Variants in DNAH5 observed in about 807,000 individuals in gnomAD.
The protein encoded by DNAH5 is dynein axonemal heavy chain 5.
DNAH5 carries 372 observed loss-of-function variants against 518.2 expected under a neutral mutation model. The ratio of observed to expected loss-of-function variants is 0.72; its 90% CI spans 0.66 to 0.78. The LOEUF (loss-of-function observed/expected upper bound fraction) is 0.78. Ranked by LOEUF, DNAH5 falls within the 30% of genes least tolerant of loss-of-function variation. DNAH5 has a pLI of 0.00. For synonymous variants in DNAH5, 2,039 were observed against 2,025.9 expected, an observed-to-expected ratio of 1.01 and a Z score of -0.17; for missense variants, 5,523 against 5,687.0, an observed-to-expected ratio of 0.97 and a Z score of 0.93.
At chr5:13,806,424 G>C (rs1335595025) in intron 47 of DNAH5, among the ~76,000 whole-genome samples, 1 of 152,138 alleles carries the variant, frequency 6.6e-6, no homozygotes, top group African/African-American at 2.4e-5. Flanking sequence ...AATGATCTTA[G>C]TGTATTGGCA....
At chr5:13,838,596 C>T (rs750697517) in intron 35 of DNAH5, among the ~76,000 whole-genome samples, 18 of 152,110 alleles carry the variant, frequency 1.2e-4, no homozygotes, top group Non-Finnish European at 2.2e-4. Flanking sequence ...ATGGGACTGT[C>T]TAGTTGCAGA....
chr5:13,924,511 A>G (rs1777647532), intron 3 of DNAH5, among the ~76,000 whole-genome samples: 1 of 152,030 alleles, frequency 6.6e-6, no homozygotes, highest in South Asian at 2.1e-4. Flanking sequence ...CCCCGTCTCT[A>G]CCAAAAATAC....
At chr5:13,700,603 C>T in intron 78 of DNAH5, 37 bp downstream of exon 78, 2 of 1,565,382 alleles carry the variant, frequency 1.3e-6, no homozygotes, top group Non-Finnish European at 1.8e-6. Flanking sequence ...TCCAAACGAA[C>T]AATGCGAGCC....
intron 1 of DNAH5, among the ~76,000 whole-genome samples, chr5:13,981,887 A>G (rs1369156568): frequency 6.6e-6 from 1 of 152,160 alleles, no homozygotes; most frequent in Non-Finnish European, 1.5e-5. Context: ...AGTCATCCTG[A>G]TTTCCTTGAG....
chr5:13,911,888 A>C (rs1351542339), intron 11 of DNAH5, among the ~76,000 whole-genome samples: 2 of 152,178 alleles, frequency 1.3e-5, no homozygotes, highest in Non-Finnish European at 2.9e-5. Context: ...AAAATAAATA[A>C]GGCTTTCACA....
Position 13,754,314 on chromosome 5 carries a change from A to C in DNAH5, c.10444T>G (p.Cys3482Gly), listed in dbSNP as rs1311188158. Residue 3482 changes from cysteine to glycine, a missense_variant, in exon 62 of 79, where the codon TGC becomes GGC. Physicochemically the swap from Cys to Gly is radical, Grantham distance 159. Transcript: ENST00000265104. ...KQTLLEDAER[C>G]RHKMQTASTL... Reference sequence around the variant, plus strand: ...GAAGCTGTCTGCATCTTGTGTCTGCATCGCTCTGCATCTTCAAGCAAGGTC... The same window carrying C: ...GAAGCTGTCTGCATCTTGTGTCTGCCTCGCTCTGCATCTTCAAGCAAGGTC... The C allele has an allele frequency of 6.2e-7, 1 of 1,614,002 alleles. No individual in the cohort carries two copies. Among genetic ancestry groups the C allele is most frequent in the African/African-American group, 1.3e-5 (1 of 74,928 alleles).
At chr5:13,922,003 A>C (rs997958148) in intron 5 of DNAH5, 104 bp downstream of exon 5, 2 of 1,267,040 alleles carry the variant, frequency 1.6e-6, no homozygotes, top group Non-Finnish European at 2.3e-6. Context: ...TGAAGAACTG[A>C]AACATAGAGG....
At chr5:13,948,339 A>C (rs544304654), upstream of DNAH5, among the ~76,000 whole-genome samples, 47 of 152,302 alleles carry the variant, frequency 3.1e-4, no homozygotes, top group African/African-American at 8.9e-4. Context: ...AATTAAAATA[A>C]AATTGAAATT....
In DNAH5 at chr5:13,900,364, G is replaced by A. The variant is rs768863581; in HGVS notation, c.2101C>T (p.Pro701Ser). The A allele has an allele frequency of 2.5e-6, 4 of 1,613,966 alleles. No individual in the cohort carries two copies. Among genetic ancestry groups the A allele is most frequent in the African/African-American group, 2.7e-5 (2 of 74,896 alleles). Reference protein sequence around the residue: ...GLEASLLVKAPGTGELFVNFD... With the variant: ...GLEASLLVKASGTGELFVNFD... ...TTTACAAACAATTCCCCTGTGCCTGGAGCCTTCACCAATAATGAAGCCTCA... is the reference window on the plus strand; with the variant it reads ...TTTACAAACAATTCCCCTGTGCCTGAAGCCTTCACCAATAATGAAGCCTCA... Residue 701 changes from proline (P) to serine (S), a missense_variant, in exon 15 of 79, where the codon CCA becomes TCA. Transcript: ENST00000265104.
chr5:13,913,734 G>A lies in DNAH5; in HGVS notation c.1536+9C>T, dbSNP rs766017243. 37 of 1,612,886 alleles carry A rather than the reference G, an allele frequency of 2.3e-5. No homozygotes were observed. In the African/African-American group the frequency reaches 4.7e-4, roughly 20 times the overall value. On this transcript the variant is annotated intron_variant, in intron 11 of 78. Transcript: ENST00000265104. ...TTATGTTATAAAATATAGCTTTAAA[G>A]TACAATACCTGGTATTTAGTGGCCA...
intron 56 of DNAH5, 135 bp downstream of exon 56, chr5:13,770,614 C>T: frequency 1.3e-6 from 1 of 768,682 alleles, no homozygotes; most frequent in South Asian, 1.5e-5. Flanking sequence ...CCAGCAGTAC[C>T]CCTTCCCTGC....
intron 53 of DNAH5, among the ~76,000 whole-genome samples, chr5:13,777,811 C>G (rs1754330413): frequency 1.3e-5 from 2 of 152,098 alleles, no homozygotes; most frequent in Admixed American, 6.5e-5. Context: ...CTGCCTCATC[C>G]CCCAACACCG....
At chr5:13,711,476 C>T (rs990312015) in intron 75 of DNAH5, among the ~76,000 whole-genome samples, 10 of 152,170 alleles carry the variant, frequency 6.6e-5, no homozygotes, top group Non-Finnish European at 1.5e-4. Flanking sequence ...GATGCCCACT[C>T]TCATCACTCC....
intron 1 of DNAH5, among the ~76,000 whole-genome samples, chr5:14,000,460 G>A (rs890239890): frequency 1.3e-5 from 2 of 152,182 alleles, no homozygotes; most frequent in African/African-American, 4.8e-5. Flanking sequence ...TGCGGCCCTA[G>A]AAAATGAATA....
rs367809410 is a variant in DNAH5 at position 13,923,004 on chromosome 5, G to A, written c.438+276C>T. ...TTTGCCATTAAGTAAATTATGCATG[G>A]GGAATTCATTAGAAAAAGAAAGCCC... On this transcript the variant is annotated intron_variant, in intron 4 of 78. Coordinates refer to ENST00000265104, the MANE Select transcript of DNAH5 (RefSeq NM_001369.3). Among the ~76,000 whole-genome samples the A allele has an allele frequency of 6.6e-4, 101 of 152,000 alleles. No homozygotes were observed. The South Asian group carries it at 0.018, about 27-fold the overall frequency.
At chr5:13,864,765 A>G (rs1768978010) in intron 27 of DNAH5, 128 bp from the exon 28 acceptor site, 3 of 1,041,384 alleles carry the variant, frequency 2.9e-6, no homozygotes, top group Non-Finnish European at 3.0e-6. Flanking sequence ...AAATCCCATG[A>G]CTTGCAGGCT....
chr5:13,753,573 T>C, intron 62 of DNAH5, 24 bp from the exon 63 acceptor site: 1 of 1,582,726 alleles, frequency 6.3e-7, no homozygotes, highest in Non-Finnish European at 8.7e-7. Flanking sequence ...CAAACACCAT[T>C]GAAATACTTT....
chr5:13,766,314 A>T (rs1227919499), intron 58 of DNAH5, 135 bp from the exon 59 acceptor site: 3 of 853,234 alleles, frequency 3.5e-6, no homozygotes, highest in East Asian at 5.1e-5. Flanking sequence ...CAGGGTCTAG[A>T]TGCATATTTA....
At chr5:13,725,583 A>G (rs549212039) in intron 70 of DNAH5, among the ~76,000 whole-genome samples, 1 of 152,334 alleles carries the variant, frequency 6.6e-6, no homozygotes, top group African/African-American at 2.4e-5. Context: ...TGTGGTCCCA[A>G]TGCAACAGAT....
Sources: allele counts gnomAD v4.1 joint callset (sites outside exome capture counted in the v4.1 genomes callset), GRCh38; gene constraint gnomAD v4.1.1; transcripts MANE v1.5; gene names NCBI Gene and HGNC (gene_info 2026-07-23, HGNC 2026-07-21).